CXXC1: variants seen among roughly 807,000 people sequenced by gnomAD.
CXXC1 encodes the protein CXXC-type zinc finger protein 1.
A neutral mutation model predicts 83.6 loss-of-function variants in CXXC1; 21 were observed. The observed-to-expected ratio is 0.25, with a 90% CI of 0.18 to 0.36. CXXC1 has a LOEUF of 0.36. Ranked by LOEUF, CXXC1 falls within the 10% of genes least tolerant of loss-of-function variation. CXXC1 has a pLI of 1.00. For missense variants in CXXC1, 688 were observed against 919.5 expected, an observed-to-expected ratio of 0.75 and a Z score of 3.26; for synonymous variants, 371 against 337.5, an observed-to-expected ratio of 1.10 and a Z score of -1.09.
rs781311335 is a variant in CXXC1, at chr18:50,285,120, G to C, written c.794C>G (p.Thr265Arg). The C allele has an allele frequency of 2.5e-6, 4 of 1,614,204 alleles. No individual in the cohort carries two copies. In the East Asian group the frequency reaches 8.9e-5, roughly 36 times the overall value. ...TGTAGCCTCAGGAGGCTCCTTGACT[G>C]TTGATGACGCCACTGCCCCCTCATC... ...REDEGAVASS[T>R]VKEPPEATAT... Residue 265 changes from threonine (T) to arginine (R), a missense_variant, in exon 7 of 15, where the codon ACA becomes AGA. Thr to Arg is a moderately conservative substitution (Grantham distance 71). Around this residue, in one of 9 missense-constraint regions of CXXC1, gnomAD observed 190 missense variants for 199.7 expected, o/e 0.95. Coordinates refer to ENST00000285106, the MANE Select transcript of CXXC1 (RefSeq NM_014593.4). This position sits in a 1 kb window ranked among gnomAD's most constrained non-coding sequence, Gnocchi z 4.4.
In CXXC1 at chr18:50,282,462, C is replaced by T. The variant is rs2040493505; in HGVS notation, c.*131G>A. 1 of 1,185,056 alleles carries T rather than the reference C, an allele frequency of 8.4e-7. No individual in the cohort carries two copies. Among genetic ancestry groups the T allele is most frequent in the Non-Finnish European group, 1.2e-6 (1 of 823,852 alleles). The allele number at this position is 1,185,056 out of a possible 1,614,324, so 73.4% of individuals were successfully genotyped here. ...ACGGGGACAGTCCCTCTGATAAAGG[C>T]AGATGGGCGGTCAACCGGTGGATGG... On this transcript the variant is annotated 3_prime_UTR_variant, in exon 15 of 15. Coordinates refer to ENST00000285106, the MANE Select transcript of CXXC1 (RefSeq NM_014593.4). This position sits in a 1 kb window ranked among gnomAD's most constrained non-coding sequence, Gnocchi z 5.8.
In CXXC1 at chr18:50,287,601, C is replaced by T. The variant is rs2040736118; in HGVS notation, c.-12G>A. 1.2e-6 allele frequency: 2 copies of T among 1,611,206 alleles called. No homozygotes were observed. The highest frequency in any genetic ancestry group is 1.3e-5 in the African/African-American group (1 of 74,910). On this transcript the variant is annotated 5_prime_UTR_variant, in exon 1 of 15. Transcript: ENST00000285106. ...CCGCTACTTACCATATCTCCGCTCC[C>T]GGCGCACTCCCTCACGACCCCCGCC... is the stretch of plus-strand genomic sequence containing the variant.
rs768998665 is a variant in CXXC1, at chr18:50,282,551, C to T, written c.*42G>A. 1.9e-6 allele frequency: 3 copies of T among 1,597,108 alleles called. No homozygotes were observed. Among genetic ancestry groups the T allele is most frequent in the Non-Finnish European group, 2.5e-6 (3 of 1,177,136 alleles). Reference sequence around the variant, plus strand: ...GGACACACGGGCACCGGGCGGCTCCCCCATCTGGAATGCAGGGTGTAAGGG... The same window carrying T: ...GGACACACGGGCACCGGGCGGCTCCTCCATCTGGAATGCAGGGTGTAAGGG... On this transcript the variant is annotated 3_prime_UTR_variant, in exon 15 of 15. Transcript: ENST00000285106. This position sits in a 1 kb window ranked among gnomAD's most constrained non-coding sequence, Gnocchi z 5.8.
In CXXC1 at chr18:50,287,688, C is replaced by T. The variant is rs1426278567; in HGVS notation, c.-99G>A. 3.1e-5 allele frequency: 45 copies of T among 1,459,210 alleles called. No individual in the cohort carries two copies. Among genetic ancestry groups the T allele is most frequent in the Non-Finnish European group, 3.9e-5 (41 of 1,056,432 alleles). The allele number at this position is 1,459,210 out of a possible 1,614,324, so 90.4% of individuals were successfully genotyped here. On this transcript the variant is annotated 5_prime_UTR_variant, in exon 1 of 15. The change creates a new upstream start codon in the 5' untranslated region. Transcript: ENST00000285106. ...TCCCAGGCGGTTGCAAAGGCGCCCA[C>T]AACTACTTCCGCTTCTAGTCACGCC...
At position 50,284,548 on chromosome 18, in the gene CXXC1, G is replaced by A. The variant is rs1329052338; in HGVS notation, c.1035C>T (p.Tyr345=). The change falls in exon 9 of 15, where the codon TAC becomes TAT. Residue 345 remains tyrosine (Y), a synonymous_variant. Transcript: ENST00000285106. ...KKSEKKKEER[Y]KRHRQKQKHK... is the part of the protein sequence containing the mutation. ...GCTTCTGCTTCTGCCGATGCCGCTT[G>A]TATCGCTCCTCCTTCTGTTGAGCAA... 10 of 1,588,452 alleles carry A rather than the reference G, an allele frequency of 6.3e-6. No homozygotes were observed. Among genetic ancestry groups the A allele is most frequent in the Non-Finnish European group, 6.9e-6 (8 of 1,166,028 alleles).
At position 50,285,047 on chromosome 18, in the gene CXXC1, G is replaced by A; in HGVS notation, c.867C>T (p.Asp289=). The A allele has an allele frequency of 1.2e-6, 2 of 1,614,236 alleles. No homozygotes were observed. Among genetic ancestry groups the A allele is most frequent in the South Asian group, 1.1e-5 (1 of 91,090 alleles). The change falls in exon 7 of 15, where the codon GAC becomes GAT. Residue 289 remains aspartate, a synonymous_variant. Transcript: ENST00000285106. The surrounding 1 kb of genome is among the most constrained non-coding windows in gnomAD (Gnocchi z 4.4). ...CCCCTGCACAGAAGTCCTGATACAGGTCAGGATCCAGAGGTAGGTCCTCAT... is the reference window on the plus strand; with the variant it reads ...CCCCTGCACAGAAGTCCTGATACAGATCAGGATCCAGAGGTAGGTCCTCAT... ...LSDEDLPLDP[D]LYQDFCAGAF...
rs769870271 is a variant in CXXC1 at position 50,286,261 on chromosome 18, TG to T, written c.224-5del. 2 of 1,597,448 alleles carry T rather than the reference TG, an allele frequency of 1.3e-6. No homozygotes were observed. Among genetic ancestry groups the T allele is most frequent in the Non-Finnish European group, 8.5e-7 (1 of 1,173,150 alleles). On this transcript the variant is annotated splice_region_variant and splice_polypyrimidine_tract_variant and intron_variant, in intron 3 of 14. Coordinates refer to ENST00000285106, the MANE Select transcript of CXXC1 (RefSeq NM_014593.4). ...ATCTCTAGCTTGGGGTCTTTCTCTG[TG>T]GGGCAGAGAGTAGGGCCAAAGTGAG... is the stretch of plus-strand genomic sequence containing the variant.
At position 50,285,505 on chromosome 18, in the gene CXXC1, A is replaced by G. The variant is rs2276364; in HGVS notation, c.640-154T>C. ...TGCTCAGCCCTGCCTGATCTGTACC[A>G]ACATGCATGACCACCTGAAAACACC... On this transcript the variant is annotated intron_variant, in intron 5 of 14. Coordinates refer to ENST00000285106, the MANE Select transcript of CXXC1 (RefSeq NM_014593.4). This position sits in a 1 kb window ranked among gnomAD's most constrained non-coding sequence, Gnocchi z 4.4. The G allele has an allele frequency of 0.91, 954,572 of 1,046,832 alleles. 435,757 individuals carry two copies. The highest frequency in any genetic ancestry group is 0.95 in the South Asian group (57,145 of 60,448). The allele number at this position is 1,046,832 out of a possible 1,614,324, so 64.8% of individuals were successfully genotyped here.
Position 50,284,800 on chromosome 18 carries a change from G to A in CXXC1, c.952C>T (p.Pro318Ser). The change falls in exon 8 of 15, where the codon CCC becomes TCC. Residue 318 changes from proline to serine, a missense_variant. Physicochemically the swap from Pro to Ser is moderately conservative, Grantham distance 74 (BLOSUM62 -1). This residue lies in a region of CXXC1 where 190 missense variants were observed against 199.7 expected (regional missense o/e 0.95). Coordinates refer to ENST00000285106, the MANE Select transcript of CXXC1 (RefSeq NM_014593.4). Reference protein sequence around the residue: ...SDTEESPFLDPALRKRAVKVK... With the variant: ...SDTEESPFLDSALRKRAVKVK... ...TTCACTGCCCTCTTCCGCAGCGCGG[G>A]GTCCAGGAATGGGGACTCTTCTGTG... is the stretch of plus-strand genomic sequence containing the variant. 2.5e-6 allele frequency: 4 copies of A among 1,614,102 alleles called. No individual in the cohort carries two copies. Among genetic ancestry groups the A allele is most frequent in the Non-Finnish European group, 3.4e-6 (4 of 1,180,038 alleles).
chr18:50,284,104 G>A lies in CXXC1; in HGVS notation c.1206-3C>T, dbSNP rs1377327316. 1.9e-6 allele frequency: 3 copies of A among 1,601,984 alleles called. No homozygotes were observed. The highest frequency in any genetic ancestry group is 2.6e-6 in the Non-Finnish European group (3 of 1,176,314). On this transcript the variant is annotated splice_polypyrimidine_tract_variant and splice_region_variant and intron_variant, in intron 9 of 14. Coordinates refer to ENST00000285106, the MANE Select transcript of CXXC1 (RefSeq NM_014593.4). ...GGGGGAGGATCTCGTAGATGCGGCT[G>A]CAGGGAAGGTAGCAAGCAACAGAAT...
chr18:50,284,875 C>T (rs1363281693), intron 7 of CXXC1, 36 bp from the exon 8 acceptor site: 2 of 1,613,736 alleles, frequency 1.2e-6, no homozygotes, highest in South Asian at 2.2e-5. Flanking sequence ...ACCTGCCCCG[C>T]TCGTGACAAC....
chr18:50,285,556 T>C lies in CXXC1; in HGVS notation c.639+193A>G, dbSNP rs537325379. The C allele has an allele frequency of 1.1e-6, 1 of 949,804 alleles. No homozygotes were observed. The highest frequency in any genetic ancestry group is 1.7e-5 in the African/African-American group (1 of 60,336). The allele number at this position is 949,804 out of a possible 1,614,324, so 58.8% of individuals were successfully genotyped here. A position where few individuals can be genotyped will look rare whatever the true frequency, so the allele number is the denominator to read the frequency against. ...TGGCCCCACTCTGTCTACCCAGGGTTGGTGGGGGTGTTCTGCCAGCCCAGC... is the reference window on the plus strand; with the variant it reads ...TGGCCCCACTCTGTCTACCCAGGGTCGGTGGGGGTGTTCTGCCAGCCCAGC... On this transcript the variant is annotated intron_variant, in intron 5 of 14. Transcript: ENST00000285106. This position sits in a 1 kb window ranked among gnomAD's most constrained non-coding sequence, Gnocchi z 4.4.
At position 50,285,970 on chromosome 18, in the gene CXXC1, G is replaced by A. The variant is rs778254898; in HGVS notation, c.460-42C>T. On this transcript the variant is annotated intron_variant, in intron 4 of 14. Coordinates refer to ENST00000285106, the MANE Select transcript of CXXC1 (RefSeq NM_014593.4). This position sits in a 1 kb window ranked among gnomAD's most constrained non-coding sequence, Gnocchi z 4.4. ...AGAACAGAAATCATGGACCCAGGCA[G>A]GGCTGAAACGGAACCACTTTACACA... The A allele has an allele frequency of 1.9e-6, 3 of 1,613,846 alleles. No homozygotes were observed. The highest frequency in any genetic ancestry group is 1.1e-5 in the South Asian group (1 of 91,076).
chr18:50,287,453 C>T (rs2040733418), intron 1 of CXXC1, 134 bp downstream of exon 1: 2 of 1,074,400 alleles, frequency 1.9e-6, no homozygotes, highest in Non-Finnish European at 1.4e-6. Flanking sequence ...CATCATTCTG[C>T]CCATAGACTC....
Position 50,282,994 on chromosome 18 carries a change from C to T in CXXC1, c.1684G>A (p.Glu562Lys). ...HSRDPKVPAD[E>K]VCGCPLVRDV... ...CGTACAAGGGGGCACCCGCATACCT[C>T]GTCAGCTGGCACCTGCAAGGAGGCC... Residue 562 changes from glutamate to lysine, a missense_variant, in exon 14 of 15, where the codon GAG becomes AAG. Coordinates refer to ENST00000285106, the MANE Select transcript of CXXC1 (RefSeq NM_014593.4). This position sits in a 1 kb window ranked among gnomAD's most constrained non-coding sequence, Gnocchi z 5.8. 6.2e-7 allele frequency: 1 copy of T among 1,613,964 alleles called. No homozygotes were observed. Among genetic ancestry groups the T allele is most frequent in the Non-Finnish European group, 8.5e-7 (1 of 1,180,030 alleles).
Position 50,285,273 on chromosome 18 carries a change from C to T in CXXC1, c.667-26G>A, listed in dbSNP as rs200940371. On this transcript the variant is annotated intron_variant, in intron 6 of 14. Coordinates refer to ENST00000285106, the MANE Select transcript of CXXC1 (RefSeq NM_014593.4). The surrounding 1 kb of genome is among the most constrained non-coding windows in gnomAD (Gnocchi z 4.4). ...CTGCAGGGCAGAATCTCAGGACTGG[C>T]CCTGACCGCCCTGCCCGCATGCCCC... 11 of 1,612,602 alleles carry T rather than the reference C, an allele frequency of 6.8e-6. No homozygotes were observed. The Admixed American group carries it at 1.8e-4, about 27-fold the overall frequency.
chr18:50,284,303 T>C (rs1568304580), intron 9 of CXXC1, 75 bp downstream of exon 9: 2 of 1,519,436 alleles, frequency 1.3e-6, no homozygotes, highest in South Asian at 1.3e-5. Context: ...GATTGACTGG[T>C]AGACATACAG....
At position 50,283,903 on chromosome 18, in the gene CXXC1, C is replaced by G; in HGVS notation, c.1404G>C (p.Glu468Asp). 1.2e-6 allele frequency: 2 copies of G among 1,614,086 alleles called. No individual in the cohort carries two copies. The highest frequency in any genetic ancestry group is 1.7e-6 in the Non-Finnish European group (2 of 1,180,030). Reference sequence around the variant, plus strand: ...GCCCCTGCTTGCTCACCTCCTCATCCTCGCGCACAGCCTGCTGCTTGGCAC... The same window carrying G: ...GCCCCTGCTTGCTCACCTCCTCATCGTCGCGCACAGCCTGCTGCTTGGCAC... Reference protein sequence around the residue: ...ILRAKQQAVREDEESNEGDSD... With the variant: ...ILRAKQQAVRDDEESNEGDSD... The change falls in exon 10 of 15, where the codon GAG becomes GAC. Residue 468 changes from glutamate (E) to aspartate (D), a missense_variant. Coordinates refer to ENST00000285106, the MANE Select transcript of CXXC1 (RefSeq NM_014593.4).
intron 1 of CXXC1, 31 bp downstream of exon 1, chr18:50,287,556 C>G (rs765799679): frequency 6.2e-7 from 1 of 1,612,202 alleles, no homozygotes; most frequent in East Asian, 2.2e-5. Flanking sequence ...CGACCTCCAC[C>G]GCCGAACCCC....
Sources: allele counts gnomAD v4.1 joint callset, GRCh38; gene constraint gnomAD v4.1.1; regional missense constraint gnomAD v4.1.1; non-coding constraint Gnocchi (gnomAD v3.1); transcripts MANE v1.5; gene names NCBI Gene and HGNC (gene_info 2026-07-23, HGNC 2026-07-21).